The following CORIN variants were observed in gnomAD, a reference collection of about 807,000 sequenced individuals.
CORIN encodes corin, serine peptidase.
CORIN carries 117 observed loss-of-function variants against 125.3 expected under a neutral mutation model. That is an observed-to-expected ratio of 0.93 (90% confidence interval 0.80 to 1.09). The LOEUF is 1.09. Ranked by LOEUF, CORIN falls within the 50% of genes least tolerant of loss-of-function variation. The pLI is 0.00. For synonymous variants in CORIN, 450 were observed against 466.4 expected (o/e 0.96, Z 0.45); for missense variants, 1,253 against 1,306.7 (o/e 0.96, Z 0.63).
chr4:47,833,696 C>T (rs1006137336), intron 1 of CORIN, among the ~76,000 whole-genome samples: 1 of 151,988 alleles, frequency 6.6e-6, no homozygotes, highest in Non-Finnish European at 1.5e-5. Flanking sequence ...TAAGGAACTC[C>T]TTCAATTCAG....
intron 3 of CORIN, among the ~76,000 whole-genome samples, chr4:47,776,395 G>T (rs547380415): frequency 6.6e-6 from 1 of 151,938 alleles, no homozygotes. Flanking sequence ...AAGTTGCTGC[G>T]TGTGGTATGA....
At chr4:47,596,346 T>A (rs1269768779) in intron 21 of CORIN, among the ~76,000 whole-genome samples, 1 of 152,146 alleles carries the variant, frequency 6.6e-6, no homozygotes, top group East Asian at 1.9e-4. Flanking sequence ...AATATCTATT[T>A]TCAAGATTCT....
intron 5 of CORIN, among the ~76,000 whole-genome samples, chr4:47,700,724 T>C (rs1726247150): frequency 6.6e-6 from 1 of 152,154 alleles, no homozygotes; most frequent in Admixed American, 6.5e-5. Flanking sequence ...CACACAGCCA[T>C]TCCTTTTGGA....
At chr4:47,809,599 A>G (rs1731968349) in intron 1 of CORIN, among the ~76,000 whole-genome samples, 1 of 151,652 alleles carries the variant, frequency 6.6e-6, no homozygotes, top group African/African-American at 2.4e-5. Context: ...ATAGAGACAG[A>G]GTTTCACTAT....
At chr4:47,601,376 C>T (rs1312516213) in intron 20 of CORIN, among the ~76,000 whole-genome samples, 1 of 150,658 alleles carries the variant, frequency 6.6e-6, no homozygotes, top group Non-Finnish European at 1.5e-5. Flanking sequence ...TGGTCACTTG[C>T]TTACTGCAGC....
At position 47,806,910 on chromosome 4, in the gene CORIN, G is replaced by A. The variant is rs754846818; in HGVS notation, c.201C>T (p.Ser67=). 6.2e-7 allele frequency: 1 copy of A among 1,612,008 alleles called. No individual in the cohort carries two copies. The highest frequency in any genetic ancestry group is 1.1e-5 in the South Asian group (1 of 90,524). The change falls in exon 2 of 22, where the codon TCC becomes TCT. Residue 67 remains serine (S), a synonymous_variant. Transcript: ENST00000273857. ...AATAATGGCCTCACCCACCAACATA[G>A]GAAAGCAGGATCACCAGCAAGAGAA... ...ALVLLLVILL[S]YVGTLQKVYF...
chr4:47,616,787 G>A (rs573780936), intron 19 of CORIN, among the ~76,000 whole-genome samples: 3 of 152,298 alleles, frequency 2.0e-5, no homozygotes, highest in East Asian at 1.9e-4. Context: ...AGCAACAGAT[G>A]AAGAGGGATA....
intron 19 of CORIN, among the ~76,000 whole-genome samples, chr4:47,618,341 A>AAAAAGG (rs1553904535): frequency 2.1e-5 from 3 of 143,630 alleles, no homozygotes; most frequent in Non-Finnish European, 4.6e-5. Context: ...TCAAAAAAAA[A>AAAAAGG]AAAGGAAAGG....
chr4:47,796,963 A>ATTAC (rs1370141024), intron 2 of CORIN, among the ~76,000 whole-genome samples: 2 of 151,858 alleles, frequency 1.3e-5, no homozygotes, highest in African/African-American at 4.8e-5. Flanking sequence ...CTCTGTTGTA[A>ATTAC]TTACTTAATG....
intron 9 of CORIN, among the ~76,000 whole-genome samples, chr4:47,677,031 C>T (rs544180700): frequency 7.9e-5 from 12 of 152,228 alleles, no homozygotes; most frequent in East Asian, 3.9e-4. Context: ...ATATGCATTA[C>T]GACAAACCTA....
At chr4:47,797,501 C>T (rs1731348862) in intron 2 of CORIN, among the ~76,000 whole-genome samples, 1 of 151,888 alleles carries the variant, frequency 6.6e-6, no homozygotes, top group South Asian at 2.1e-4. Context: ...TTCTTCCTAG[C>T]TACTTTTAGG....
chr4:47,751,170 A>C (rs565481558), intron 4 of CORIN, among the ~76,000 whole-genome samples: 1 of 152,316 alleles, frequency 6.6e-6, no homozygotes, highest in South Asian at 2.1e-4. Context: ...CTCAAAAGAA[A>C]ATTACAGCCA....
At position 47,622,704 on chromosome 4, in the gene CORIN, A is replaced by G. The variant is rs116285362; in HGVS notation, c.2540+867T>C. ...CCACTTTTTGATGGGGTTGAATAGA[A>G]CAAGGACTGACCTCTCCAGCAAGAA... On this transcript the variant is annotated intron_variant, in intron 19 of 21. Transcript: ENST00000273857. 8.1e-3 allele frequency among the ~76,000 whole-genome samples: 1,239 copies of G among 152,258 alleles called. 10 individuals carry two copies. Among genetic ancestry groups the G allele is most frequent in the Non-Finnish European group, 0.011 (745 of 68,012 alleles).
chr4:47,802,452 T>A (rs1337889210), intron 2 of CORIN, among the ~76,000 whole-genome samples: 1 of 152,044 alleles, frequency 6.6e-6, no homozygotes, highest in Non-Finnish European at 1.5e-5. Flanking sequence ...GGGCTCTAAG[T>A]GAACATCAGT....
At chr4:47,832,294 TATTCAA>T (rs1733061562) in intron 1 of CORIN, among the ~76,000 whole-genome samples, 1 of 152,154 alleles carries the variant, frequency 6.6e-6, no homozygotes, top group Non-Finnish European at 1.5e-5. Context: ...GGCCATTTAC[TATTCAA>T]CAAATGCCTA....
chr4:47,673,183 TAAATAAA>T (rs1724845918), intron 10 of CORIN, among the ~76,000 whole-genome samples: 1 of 12,626 alleles, frequency 7.9e-5, no homozygotes, highest in Non-Finnish European at 1.2e-4. Context: ...TACCAAAAAA[TAAATAAA>T]TAAATAAATA....
At chr4:47,617,265 T>G (rs1284597375) in intron 19 of CORIN, among the ~76,000 whole-genome samples, 3 of 152,176 alleles carry the variant, frequency 2.0e-5, no homozygotes, top group Non-Finnish European at 2.9e-5. Flanking sequence ...TTATGTGACC[T>G]CAGTTAGCAG....
At chr4:47,761,937 C>T (rs1729480678) in intron 4 of CORIN, among the ~76,000 whole-genome samples, 1 of 151,744 alleles carries the variant, frequency 6.6e-6, no homozygotes, top group South Asian at 2.1e-4. Flanking sequence ...TTGAGGCCAG[C>T]CTGGACAATA....
rs368796097 is a variant in CORIN, at chr4:47,693,033, G to A, written c.850C>T (p.Pro284Ser). 1.9e-5 allele frequency: 31 copies of A among 1,613,578 alleles called. No homozygotes were observed. Among genetic ancestry groups the A allele is most frequent in the African/African-American group, 5.3e-5 (4 of 74,814 alleles). Reference sequence around the variant, plus strand: ...TAGCCATTACATTGCAGTTTCCCGGGGATGCAGATTCCACTGGCACACAGA... The same window carrying A: ...TAGCCATTACATTGCAGTTTCCCGGAGATGCAGATTCCACTGGCACACAGA... ...NFLCASGICI[P>S]GKLQCNGYND... The change falls in exon 6 of 22, where the codon CCC (proline) becomes TCC (serine). Residue 284 changes from proline to serine, a missense_variant. Transcript: ENST00000273857.
Sources: allele counts gnomAD v4.1 joint callset (sites outside exome capture counted in the v4.1 genomes callset), GRCh38; gene constraint gnomAD v4.1.1; transcripts MANE v1.5; gene names NCBI Gene and HGNC (gene_info 2026-07-23, HGNC 2026-07-21).